RYR2: variants seen among roughly 807,000 people sequenced by gnomAD.
RYR2 encodes ryanodine receptor 2.
RYR2 carries 227 observed loss-of-function variants against 601.1 expected under a neutral mutation model. The ratio of observed to expected loss-of-function variants is 0.38; its 90% CI spans 0.34 to 0.42. The LOEUF (loss-of-function observed/expected upper bound fraction) is 0.42, where lower values mean the gene tolerates loss of function less well. Ranked by LOEUF, RYR2 falls within the 10% of genes least tolerant of loss-of-function variation. RYR2 has a pLI of 1.00. For synonymous variants in RYR2, 2,223 were observed against 2,175.1 expected (o/e 1.02, Z -0.61); for missense variants, 4,646 against 6,156.5 (o/e 0.75, Z 8.21).
At chr1:237,085,241 A>G (rs1469263228) in intron 1 of RYR2, among the ~76,000 whole-genome samples, 1 of 152,192 alleles carries the variant, frequency 6.6e-6, no homozygotes, top group East Asian at 1.9e-4. Flanking sequence ...TTCTTTTCCT[A>G]ATAGAACTAT....
At chr1:237,177,614 A>G (rs1043029725) in intron 1 of RYR2, among the ~76,000 whole-genome samples, 1 of 152,202 alleles carries the variant, frequency 6.6e-6, no homozygotes, top group African/African-American at 2.4e-5. Flanking sequence ...ATCCACATTG[A>G]TGTTTATAGC....
rs367766286 is a variant in RYR2, at chr1:237,756,048, GA to G, written c.11146-231del. ...GAATGAATCAAATCATTAAAATTGA[GA>G]AAAAAAAATCCATGCTGATAAACCA... On this transcript the variant is annotated intron_variant, in intron 80 of 104. Coordinates refer to ENST00000366574, the MANE Select transcript of RYR2 (RefSeq NM_001035.3). Among the ~76,000 whole-genome samples, 186 of 148,612 alleles carry G rather than the reference GA, an allele frequency of 1.3e-3. 3 individuals are homozygous for G. The highest frequency in any genetic ancestry group is 8.0e-3 in the Admixed American group (120 of 14,940).
chr1:237,384,928 C>T (rs561731577), intron 8 of RYR2, among the ~76,000 whole-genome samples: 9 of 151,860 alleles, frequency 5.9e-5, no homozygotes, highest in Admixed American at 2.0e-4. Flanking sequence ...TCGCTCTTTT[C>T]GCCCAGGCTG....
chr1:237,454,277 GTCCCTT>G, intron 14 of RYR2, 108 bp from the exon 15 acceptor site: 1 of 1,056,272 alleles, frequency 9.5e-7, no homozygotes, highest in Non-Finnish European at 1.3e-6. Flanking sequence ...TTTCTGACAT[GTCCCTT>G]TTACAGTGAT....
At chr1:237,094,298 G>A (rs143823803) in intron 1 of RYR2, among the ~76,000 whole-genome samples, 2 of 152,294 alleles carry the variant, frequency 1.3e-5, no homozygotes, top group East Asian at 1.9e-4. Flanking sequence ...CAGTTGTACC[G>A]TAGTTACACT....
rs935830871 is a variant in RYR2 at position 237,251,462 on chromosome 1, T to C, written c.49-19035T>C. ...GCATTCTACCTGGTTGACTATTTTT[T>C]CTCTTTGTAATCTGTTTAGATCGGT... On this transcript the variant is annotated intron_variant, in intron 1 of 104. Transcript: ENST00000366574. Among the ~76,000 whole-genome samples the C allele has an allele frequency of 4.6e-5, 7 of 152,282 alleles. 1 individual carries two copies. In the East Asian group the frequency reaches 1.4e-3, roughly 29 times the overall value.
intron 29 of RYR2, among the ~76,000 whole-genome samples, chr1:237,586,108 T>C (rs1674495021): frequency 1.3e-5 from 2 of 152,234 alleles, no homozygotes; most frequent in African/African-American, 4.8e-5. Flanking sequence ...CATACTTTTT[T>C]GGTTTTTTTA....
At chr1:237,536,366 T>C (rs1343943453) in intron 25 of RYR2, among the ~76,000 whole-genome samples, 1 of 152,108 alleles carries the variant, frequency 6.6e-6, no homozygotes, top group Non-Finnish European at 1.5e-5. Flanking sequence ...GGTCAGGAGA[T>C]TGAGACCATC....
chr1:237,725,971 G>T (rs1174602665), intron 74 of RYR2, among the ~76,000 whole-genome samples: 1 of 151,958 alleles, frequency 6.6e-6, no homozygotes, highest in Non-Finnish European at 1.5e-5. Flanking sequence ...GCCCTTGATT[G>T]CTTTTACTTC....
intron 93 of RYR2, chr1:237,791,860 A>AT (rs1392789721): frequency 1.2e-5 from 7 of 580,318 alleles, no homozygotes; most frequent in Non-Finnish European, 1.5e-5. Context: ...TAGCCATCTA[A>AT]TTTTTTAGCA....
At chr1:237,256,417 T>C (rs1471444661) in intron 1 of RYR2, among the ~76,000 whole-genome samples, 2 of 152,184 alleles carry the variant, frequency 1.3e-5, no homozygotes, top group African/African-American at 4.8e-5. Flanking sequence ...CACCTGTGTA[T>C]GGTGATTATA....
intron 13 of RYR2, among the ~76,000 whole-genome samples, chr1:237,444,022 C>G (rs1708128676): frequency 6.6e-6 from 1 of 152,042 alleles, no homozygotes; most frequent in Admixed American, 6.6e-5. Flanking sequence ...TATTCTATTC[C>G]CCTGGAATAC....
Position 237,548,539 on chromosome 1 carries a change from T to C in RYR2, c.3015T>C (p.Asn1005=), listed in dbSNP as rs758290360. 7 of 1,613,930 alleles carry C rather than the reference T, an allele frequency of 4.3e-6. No homozygotes were observed. The highest frequency in any genetic ancestry group is 1.6e-4 in the Middle Eastern group (1 of 6,062). The change falls in exon 26 of 105, where the codon AAT becomes AAC. Residue 1005 remains asparagine, a synonymous_variant. Transcript: ENST00000366574. ...MVDKLAENAH[N]VWARDRIRQG... ...ACAAGTTGGCAGAAAATGCACATAATGTGTGGGCGCGGGATCGAATCCGGC... is the reference window on the plus strand; with the variant it reads ...ACAAGTTGGCAGAAAATGCACATAACGTGTGGGCGCGGGATCGAATCCGGC...
At chr1:237,757,243 G>A (rs1252251814) in intron 81 of RYR2, among the ~76,000 whole-genome samples, 5 of 152,138 alleles carry the variant, frequency 3.3e-5, no homozygotes, top group Non-Finnish European at 2.9e-5. Context: ...TAAACCAGAT[G>A]TCAAACATAT....
chr1:237,169,120 A>G (rs1558357366), intron 1 of RYR2, among the ~76,000 whole-genome samples: 1 of 152,216 alleles, frequency 6.6e-6, no homozygotes, highest in Non-Finnish European at 1.5e-5. Flanking sequence ...AGATGTTTGT[A>G]ATTATATAAA....
At chr1:237,559,539 C>G (rs1253692857) in intron 27 of RYR2, among the ~76,000 whole-genome samples, 1 of 152,192 alleles carries the variant, frequency 6.6e-6, no homozygotes, top group Non-Finnish European at 1.5e-5. Flanking sequence ...AGACGCTGTG[C>G]CCAGCCTCAT....
chr1:237,268,625 G>A (rs1689309641), intron 1 of RYR2, among the ~76,000 whole-genome samples: 1 of 152,062 alleles, frequency 6.6e-6, no homozygotes, highest in Non-Finnish European at 1.5e-5. Flanking sequence ...TTAAATATTG[G>A]TGCTACCATA....
chr1:237,652,648 C>T (rs1225609015), intron 51 of RYR2, among the ~76,000 whole-genome samples: 2 of 151,992 alleles, frequency 1.3e-5, no homozygotes, highest in South Asian at 4.1e-4. Flanking sequence ...TAAATTATAT[C>T]CTTGATAAAA....
chr1:237,213,231 G>A (rs1682787855), intron 1 of RYR2, among the ~76,000 whole-genome samples: 1 of 151,998 alleles, frequency 6.6e-6, no homozygotes, highest in South Asian at 2.1e-4. Context: ...AGGCTGGAGT[G>A]CAGTGGTGCA....
Sources: gnomAD v4.1 joint callset for allele counts (sites outside exome capture counted in the v4.1 genomes callset) on GRCh38, gnomAD v4.1.1 for gene constraint, MANE v1.5 for transcripts, NCBI Gene and HGNC (gene_info 2026-07-23, HGNC 2026-07-21) for gene names.